ADCY2: variants seen among roughly 807,000 people sequenced by gnomAD.
ADCY2 encodes the protein adenylate cyclase type 2.
Under a neutral mutation model 125.2 loss-of-function variants are expected in ADCY2, and 31 were observed. The observed-to-expected ratio is 0.25, with a 90% CI of 0.19 to 0.33. The LOEUF (loss-of-function observed/expected upper bound fraction) is 0.33. Among genes scored for constraint, ADCY2 ranks in the 10% least tolerant of loss-of-function variants. The pLI is 1.00. For synonymous variants in ADCY2, 512 were observed against 548.4 expected, an observed-to-expected ratio of 0.93 and a Z score of 0.93; for missense variants, 904 against 1,418.2, an observed-to-expected ratio of 0.64 and a Z score of 5.82.
chr5:7,652,133 T>C (rs1267081556), intron 4 of ADCY2, among the ~76,000 whole-genome samples: 10 of 152,150 alleles, frequency 6.6e-5, no homozygotes, highest in Non-Finnish European at 4.4e-5. Context: ...TTAACCCTAC[T>C]GAGAGTTCCA....
chr5:7,706,728 C>T lies in ADCY2; in HGVS notation c.1110-16C>T, dbSNP rs2126351941. The T allele has an allele frequency of 6.2e-7, 1 of 1,613,602 alleles. No individual in the cohort carries two copies. The highest frequency in any genetic ancestry group is 2.2e-5 in the East Asian group (1 of 44,880). ...TGGATGTTACTTGATCATGATCTTA[C>T]TTCCCTTCTCTTTAGGAAAGTGAGG... is the stretch of plus-strand genomic sequence containing the variant. On this transcript the variant is annotated splice_polypyrimidine_tract_variant and intron_variant, in intron 7 of 24. Transcript: ENST00000338316.
intron 14 of ADCY2, among the ~76,000 whole-genome samples, chr5:7,731,254 T>A (rs1360871450): frequency 9.1e-6 from 1 of 109,512 alleles, no homozygotes; most frequent in Non-Finnish European, 1.8e-5. Flanking sequence ...TCCTTGCAGA[T>A]TTTTTTTTTT....
At chr5:7,407,500 G>A (rs1208380722) in intron 1 of ADCY2, among the ~76,000 whole-genome samples, 1 of 152,094 alleles carries the variant, frequency 6.6e-6, no homozygotes, top group Non-Finnish European at 1.5e-5. Context: ...CGAGCAATGG[G>A]GAACTGCCAA....
At chr5:7,547,113 A>G (rs969810263) in intron 3 of ADCY2, among the ~76,000 whole-genome samples, 3 of 152,198 alleles carry the variant, frequency 2.0e-5, no homozygotes, top group African/African-American at 7.2e-5. Flanking sequence ...GGAACTACAC[A>G]TAAATAGGAT....
chr5:7,573,555 G>A (rs1482779629), intron 3 of ADCY2, among the ~76,000 whole-genome samples: 2 of 147,822 alleles, frequency 1.4e-5, no homozygotes, highest in African/African-American at 5.0e-5. Context: ...AAAAAACTGG[G>A]AAAACATTTG....
intron 4 of ADCY2, among the ~76,000 whole-genome samples, chr5:7,648,233 A>C (rs1003329504): frequency 6.6e-6 from 1 of 151,920 alleles, no homozygotes; most frequent in Non-Finnish European, 1.5e-5. Flanking sequence ...ACTCCTTCCT[A>C]TCTTTTCTAT....
rs201848270 is a variant in ADCY2 at position 7,690,858 on chromosome 5, T to G, written c.869+19T>G. ...ACGTGAGGTACGACGCTATGCTTGC[T>G]CCTTGGCTGGTCTGGGAGTCTGCCT... On this transcript the variant is annotated intron_variant, in intron 5 of 24. Transcript: ENST00000338316. The G allele has an allele frequency of 1.3e-6, 2 of 1,528,132 alleles. No individual in the cohort carries two copies. Among genetic ancestry groups the G allele is most frequent in the Non-Finnish European group, 1.8e-6 (2 of 1,138,696 alleles). 94.7% of individuals were successfully genotyped at this position (1,528,132 alleles called of 1,614,324 possible).
chr5:7,520,842 C>A lies in ADCY2; in HGVS notation c.513C>A (p.Ile171=). The A allele has an allele frequency of 1.2e-6, 2 of 1,614,200 alleles. No homozygotes were observed. Among genetic ancestry groups the A allele is most frequent in the Non-Finnish European group, 1.7e-6 (2 of 1,180,036 alleles). The change falls in exon 3 of 25, where the codon ATC becomes ATA. Residue 171 remains isoleucine (I), a synonymous_variant. Coordinates refer to ENST00000338316, the MANE Select transcript of ADCY2 (RefSeq NM_020546.3). The part of the protein sequence containing the change: ...ASVLTSSSHT[I]VLSVCLSATP... Reference sequence around the variant, plus strand: ...TCCTCACCTCCTCCTCCCACACCATCGTGCTTAGCGTCTGCCTGTCTGCAA... The same window carrying A: ...TCCTCACCTCCTCCTCCCACACCATAGTGCTTAGCGTCTGCCTGTCTGCAA...
At chr5:7,575,863 A>G (rs1017828556) in intron 3 of ADCY2, among the ~76,000 whole-genome samples, 11 of 152,222 alleles carry the variant, frequency 7.2e-5, no homozygotes, top group African/African-American at 2.2e-4. Flanking sequence ...CAAAATCTGC[A>G]TCTTTAAAAT....
intron 4 of ADCY2, among the ~76,000 whole-genome samples, chr5:7,665,828 CTTTTTTTTT>C (rs70940750): frequency 3.9e-4 from 15 of 38,630 alleles, no homozygotes; most frequent in African/African-American, 1.1e-3. Context: ...TAATTTAATT[CTTTTTTTTT>C]TTTTTTTTTT....
intron 3 of ADCY2, among the ~76,000 whole-genome samples, chr5:7,597,466 A>G (rs563172598): frequency 1.2e-4 from 19 of 152,302 alleles, no homozygotes; most frequent in Admixed American, 2.6e-4. Context: ...GGAGCAGTAG[A>G]ATAGGCAGGG....
At chr5:7,787,530 AT>A (rs1339859343) in intron 19 of ADCY2, among the ~76,000 whole-genome samples, 3 of 152,062 alleles carry the variant, frequency 2.0e-5, no homozygotes, top group Non-Finnish European at 2.9e-5. Context: ...TTGATTGGGG[AT>A]TTTTTAAGTC....
chr5:7,573,672 A>G (rs1736141925), intron 3 of ADCY2, among the ~76,000 whole-genome samples: 1 of 146,450 alleles, frequency 6.8e-6, no homozygotes, highest in Non-Finnish European at 1.5e-5. Context: ...AAGCTTCCAC[A>G]GCGTGGAAGG....
intron 7 of ADCY2, among the ~76,000 whole-genome samples, chr5:7,705,764 G>A (rs1381834469): frequency 1.3e-5 from 2 of 152,216 alleles, no homozygotes; most frequent in Non-Finnish European, 2.9e-5. Flanking sequence ...AAAGAGGAAA[G>A]GAAATGGGGA....
chr5:7,750,103 T>G lies in ADCY2; in HGVS notation c.1956+6351T>G, dbSNP rs113397305. Among the ~76,000 whole-genome samples, 736 of 152,320 alleles carry G rather than the reference T, an allele frequency of 4.8e-3. 3 individuals are homozygous for G. Among genetic ancestry groups the G allele is most frequent in the Non-Finnish European group, 8.7e-3 (591 of 68,028 alleles). On this transcript the variant is annotated intron_variant, in intron 15 of 24. Transcript: ENST00000338316. ...ACATCTCTCTCTCTTATTTGACAAG[T>G]GTGATCCATTTACCTGTATTATAAT...
intron 3 of ADCY2, among the ~76,000 whole-genome samples, chr5:7,589,340 A>G (rs529955109): frequency 6.8e-6 from 1 of 147,564 alleles, no homozygotes; most frequent in East Asian, 2.2e-4. Context: ...GCATAGACAA[A>G]GTAAAAAAGA....
chr5:7,688,169 G>T (rs183252720), intron 4 of ADCY2, among the ~76,000 whole-genome samples: 85 of 152,252 alleles, frequency 5.6e-4, no homozygotes, highest in African/African-American at 1.9e-3. Context: ...GATTATGACA[G>T]ATTCAATGGG....
At chr5:7,584,579 G>A (rs1234818812) in intron 3 of ADCY2, among the ~76,000 whole-genome samples, 1 of 152,092 alleles carries the variant, frequency 6.6e-6, no homozygotes, top group Non-Finnish European at 1.5e-5. Context: ...TGTAACTGTG[G>A]TTATCTGAAA....
intron 11 of ADCY2, among the ~76,000 whole-genome samples, chr5:7,716,426 A>G (rs1741592466): frequency 6.6e-6 from 1 of 152,242 alleles, no homozygotes; most frequent in African/African-American, 2.4e-5. Flanking sequence ...GAAGGCAACA[A>G]GTCAAAAGCT....
Sources: allele counts gnomAD v4.1 joint callset (sites outside exome capture counted in the v4.1 genomes callset), GRCh38; gene constraint gnomAD v4.1.1; transcripts MANE v1.5; gene names NCBI Gene and HGNC (gene_info 2026-07-23, HGNC 2026-07-21).